PDE9A: variants seen among roughly 807,000 people sequenced by gnomAD.
PDE9A encodes high affinity cGMP-specific 3',5'-cyclic phosphodiesterase 9A.
PDE9A carries 60 observed loss-of-function variants against 87.4 expected under a neutral mutation model. The observed-to-expected ratio is 0.69, with a 90% CI of 0.56 to 0.85. PDE9A has a LOEUF of 0.85. PDE9A is among the 40% of genes least tolerant of loss of function. The pLI is 0.00. For synonymous variants in PDE9A, 272 were observed against 279.4 expected, an observed-to-expected ratio of 0.97 and a Z score of 0.27; for missense variants, 665 against 779.0, an observed-to-expected ratio of 0.85 and a Z score of 1.74.
chr21:42,673,832 G>A (rs2269136), intron 1 of PDE9A, among the ~76,000 whole-genome samples: 37,300 of 152,072 alleles, frequency 0.25, 4,635 homozygotes, highest in East Asian at 0.38. Flanking sequence ...ATGCCTGGGC[G>A]ACGCTGCCCT....
At chr21:42,689,725 G>A in intron 3 of PDE9A, 1 of 985,408 alleles carries the variant, frequency 1.0e-6, no homozygotes, top group Non-Finnish European at 1.2e-6. Flanking sequence ...CCAGACAAAA[G>A]CCCTCCTGAG....
In PDE9A at chr21:42,694,924, C is replaced by T. The variant is rs887049390; in HGVS notation, c.219-4044C>T. On this transcript the variant is annotated intron_variant, in intron 3 of 19. Transcript: ENST00000291539. This position sits in a 1 kb window ranked among gnomAD's most constrained non-coding sequence, Gnocchi z 5.3. ...TGCATGAATGCCCACCCCAGCCCAG[C>T]GGGCACTCCCCTTCTGCAAACCTCC... Among the ~76,000 whole-genome samples the T allele has an allele frequency of 6.6e-6, 1 of 152,168 alleles. No homozygotes were observed. The highest frequency in any genetic ancestry group is 2.4e-5 in the African/African-American group (1 of 41,434).
chr21:42,698,968 C>G lies in PDE9A; in HGVS notation c.219C>G (p.Arg73=). 1 of 1,612,112 alleles carries G rather than the reference C, an allele frequency of 6.2e-7. No individual in the cohort carries two copies. Among genetic ancestry groups the G allele is most frequent in the Non-Finnish European group, 8.5e-7 (1 of 1,178,272 alleles). The change falls in exon 4 of 20, where the codon CGC becomes CGG. Residue 73 remains arginine, a splice_region_variant and synonymous_variant. Transcript: ENST00000291539. ...AGCGGCACTGTCTTCTCTTTTGCAG[C>G]ACTCCGTACAAAGTGAGACCTGTGG... ...IDPTMPANSE[R]TPYKVRPVAI...
chr21:42,770,835 C>G, intron 18 of PDE9A, 37 bp downstream of exon 18: 1 of 1,509,124 alleles, frequency 6.6e-7, no homozygotes, highest in Non-Finnish European at 9.2e-7. Flanking sequence ...TTCCTTGCGG[C>G]AAGCAGGCAC....
At chr21:42,658,327 G>A (rs1256283022) in intron 1 of PDE9A, among the ~76,000 whole-genome samples, 2 of 152,238 alleles carry the variant, frequency 1.3e-5, no homozygotes, top group African/African-American at 4.8e-5. Context: ...GCTCCCTGCT[G>A]CCTGGTTCTA....
At chr21:42,666,148 AGGGCGTGGTCATTCGTGCAGT>A (rs1011801744) in intron 1 of PDE9A, among the ~76,000 whole-genome samples, 21 of 151,872 alleles carry the variant, frequency 1.4e-4, no homozygotes, top group Admixed American at 1.0e-3. Flanking sequence ...CACAACCGAG[AGGGCGTGGTCATTCGTGCAGT>A]GGGCGTGGTC....
At chr21:42,753,722 G>A (rs1436034827) in intron 9 of PDE9A, among the ~76,000 whole-genome samples, 3 of 152,048 alleles carry the variant, frequency 2.0e-5, no homozygotes, top group South Asian at 4.1e-4. Flanking sequence ...AAATTAGCCA[G>A]GCATGGTGGC....
intron 1 of PDE9A, among the ~76,000 whole-genome samples, chr21:42,670,377 CATTCACATTT>C (rs879622438): frequency 0.17 from 22,465 of 131,108 alleles, 3,085 homozygotes; most frequent in African/African-American, 0.47. Context: ...CATTCACACA[CATTCACATTT>C]ACATTCACAA....
chr21:42,717,198 C>T (rs1050368466), intron 4 of PDE9A, among the ~76,000 whole-genome samples: 4 of 151,302 alleles, frequency 2.6e-5, no homozygotes, highest in African/African-American at 9.7e-5. Flanking sequence ...ATATTATATC[C>T]CTTCACTCTA....
rs542855101 is a variant in PDE9A at position 42,731,178 on chromosome 21, G to A, written c.263-592G>A. 9.4e-4 allele frequency among the ~76,000 whole-genome samples: 143 copies of A among 152,234 alleles called. 1 individual carries two copies. The highest frequency in any genetic ancestry group is 3.4e-3 in the African/African-American group (140 of 41,546). On this transcript the variant is annotated intron_variant, in intron 4 of 19. Coordinates refer to ENST00000291539, the MANE Select transcript of PDE9A (RefSeq NM_002606.3). ...TCTCCATGTTGGTCAGGCTGGTCTC[G>A]AACTCCCGACCTCAGGTGATCTGCC...
At position 42,754,057 on chromosome 21, in the gene PDE9A, C is replaced by T; in HGVS notation, c.803C>T (p.Pro268Leu). The change falls in exon 10 of 20, where the codon CCC (proline) becomes CTC (leucine). Residue 268 changes from proline to leucine, a missense_variant. Physicochemically the swap from Pro to Leu is moderately conservative, Grantham distance 98. Coordinates refer to ENST00000291539, the MANE Select transcript of PDE9A (RefSeq NM_002606.3). The part of the protein sequence containing the change: ...KPTFDVWLWE[P>L]NEMLSCLEHM... ...ACCTTTGACGTCTGGCTTTGGGAGC[C>T]CAATGAGGTAAGTGCGGGGCTTGCA... 1 of 1,611,308 alleles carries T rather than the reference C, an allele frequency of 6.2e-7. No individual in the cohort carries two copies. Among genetic ancestry groups the T allele is most frequent in the Non-Finnish European group, 8.5e-7 (1 of 1,177,792 alleles).
chr21:42,684,348 A>C (rs572745941), intron 1 of PDE9A, among the ~76,000 whole-genome samples: 53 of 152,208 alleles, frequency 3.5e-4, no homozygotes, highest in African/African-American at 1.3e-3. Context: ...ACAGGGGCCC[A>C]CATGGGAACC....
intron 14 of PDE9A, 84 bp downstream of exon 14, chr21:42,762,323 C>T (rs1001646961): frequency 1.4e-6 from 2 of 1,432,132 alleles, no homozygotes; most frequent in East Asian, 4.6e-5. Context: ...CTGGAAGCTC[C>T]CAGAAGCTCC....
intron 3 of PDE9A, chr21:42,689,398 C>G (rs1265223679): frequency 6.5e-6 from 2 of 306,598 alleles, no homozygotes; most frequent in African/African-American, 4.5e-5. Flanking sequence ...ATTGGCTCCC[C>G]AGAGACTCCA....
rs1195647375 is a variant in PDE9A at position 42,699,018 on chromosome 21, C to A, written c.262+7C>A. On this transcript the variant is annotated splice_region_variant and intron_variant, in intron 4 of 19. Coordinates refer to ENST00000291539, the MANE Select transcript of PDE9A (RefSeq NM_002606.3). ...GCCATCAAGCAACTCTCCGGTAAGGCCCTGCTGTCGTTTTTTAAACTAAAA... is the reference window on the plus strand; with the variant it reads ...GCCATCAAGCAACTCTCCGGTAAGGACCTGCTGTCGTTTTTTAAACTAAAA... 6.2e-7 allele frequency: 1 copy of A among 1,601,488 alleles called. No homozygotes were observed. Among genetic ancestry groups the A allele is most frequent in the Non-Finnish European group, 8.6e-7 (1 of 1,168,632 alleles).
rs555684658 is a variant in PDE9A at position 42,670,318 on chromosome 21, ACT to A, written c.70-15872_70-15871del. ...TCACACACATACACTTAGACACCAC[ACT>A]CACATTCACACACATTCACATACAT... On this transcript the variant is annotated intron_variant, in intron 1 of 19. Coordinates refer to ENST00000291539, the MANE Select transcript of PDE9A (RefSeq NM_002606.3). Among the ~76,000 whole-genome samples, 798 of 115,836 alleles carry A rather than the reference ACT, an allele frequency of 6.9e-3. 5 individuals are homozygous for A. Among genetic ancestry groups the A allele is most frequent in the Non-Finnish European group, 9.9e-3 (614 of 62,236 alleles). The allele number at this position is 115,836 out of a possible 152,430, so 76.0% of individuals were successfully genotyped here.
chr21:42,770,402 C>G (rs1370206515), intron 17 of PDE9A, among the ~76,000 whole-genome samples: 1 of 152,216 alleles, frequency 6.6e-6, no homozygotes, highest in East Asian at 1.9e-4. Context: ...GGGAGGCTGT[C>G]AGCTCCTTTC....
At chr21:42,670,301 ATACACT>A (rs1279001435) in intron 1 of PDE9A, among the ~76,000 whole-genome samples, 10 of 142,746 alleles carry the variant, frequency 7.0e-5, no homozygotes, top group Non-Finnish European at 1.2e-4. Flanking sequence ...ATTCACACAC[ATACACT>A]TAGACACCAC....
At chr21:42,697,379 T>C (rs757276662) in intron 3 of PDE9A, 1 of 1,331,970 alleles carries the variant, frequency 7.5e-7, no homozygotes, top group Non-Finnish European at 1.1e-6. Flanking sequence ...GCTTGGTGTG[T>C]ATACCCCTCC....
Sources: allele counts gnomAD v4.1 joint callset (sites outside exome capture counted in the v4.1 genomes callset), GRCh38; gene constraint gnomAD v4.1.1; non-coding constraint Gnocchi (gnomAD v3.1); transcripts MANE v1.5; gene names NCBI Gene and HGNC (gene_info 2026-07-23, HGNC 2026-07-21).